KHDRBS2: variants seen among roughly 807,000 people sequenced by gnomAD.
The protein encoded by KHDRBS2 is KH domain-containing, RNA-binding, signal transduction-associated protein 2.
A neutral mutation model predicts 44.3 loss-of-function variants in KHDRBS2; 26 were observed. The observed-to-expected ratio is 0.59, with a 90% CI of 0.43 to 0.81. The LOEUF is 0.81. KHDRBS2 is among the 40% of genes least tolerant of loss of function. The pLI is 0.00. For missense variants in KHDRBS2, 476 were observed against 433.1 expected, an observed-to-expected ratio of 1.10 and a Z score of -0.88; for synonymous variants, 194 against 151.1, an observed-to-expected ratio of 1.28 and a Z score of -2.08.
chr6:62,187,933 C>T (rs1258973144), intron 1 of KHDRBS2, among the ~76,000 whole-genome samples: 3 of 151,916 alleles, frequency 2.0e-5, no homozygotes, highest in Non-Finnish European at 4.4e-5. Context: ...GAACATGGTG[C>T]CAGCATCTGC....
At chr6:61,927,401 G>C (rs544954953) in intron 4 of KHDRBS2, among the ~76,000 whole-genome samples, 1 of 152,158 alleles carries the variant, frequency 6.6e-6, no homozygotes, top group East Asian at 1.9e-4. Flanking sequence ...ATATAGTCAT[G>C]TCAATGTTAG....
intron 5 of KHDRBS2, among the ~76,000 whole-genome samples, chr6:61,899,866 CAT>C (rs1803638165): frequency 6.6e-6 from 1 of 151,426 alleles, no homozygotes; most frequent in Non-Finnish European, 1.5e-5. Flanking sequence ...GTTGCAATTT[CAT>C]ATGATTCAAC....
Position 61,882,625 on chromosome 6 carries a change from A to G in KHDRBS2, c.810+12010T>C, listed in dbSNP as rs187070867. On this transcript the variant is annotated intron_variant, in intron 6 of 8. Coordinates refer to ENST00000281156, the MANE Select transcript of KHDRBS2 (RefSeq NM_152688.4). ...TAGTCTTAACTCAAATCTTGAGATT[A>G]TTACAAGTTATTGCAAAGAACATCT... Among the ~76,000 whole-genome samples the G allele has an allele frequency of 1.5e-3, 230 of 152,158 alleles. 2 individuals carry two copies. The highest frequency in any genetic ancestry group is 2.2e-4 in the Non-Finnish European group (15 of 67,940).
chr6:61,806,171 A>G (rs924415166), intron 6 of KHDRBS2, among the ~76,000 whole-genome samples: 19 of 152,168 alleles, frequency 1.2e-4, no homozygotes, highest in African/African-American at 4.3e-4. Context: ...CTTAAATATG[A>G]TAAGGTCTGG....
chr6:62,265,977 G>C (rs1179307205), intron 1 of KHDRBS2, among the ~76,000 whole-genome samples: 1 of 152,006 alleles, frequency 6.6e-6, no homozygotes, highest in Non-Finnish European at 1.5e-5. Context: ...ATAAAGAACA[G>C]CATTATTCTA....
intron 4 of KHDRBS2, among the ~76,000 whole-genome samples, chr6:61,925,204 C>T (rs1466163951): frequency 6.6e-6 from 1 of 152,074 alleles, no homozygotes; most frequent in Admixed American, 6.6e-5. Flanking sequence ...AAGTTATGTA[C>T]TGTGTGCTGC....
the KHDRBS2 span, among the ~76,000 whole-genome samples, chr6:61,544,275 C>T: frequency 6.6e-6 from 1 of 151,954 alleles, no homozygotes; most frequent in Non-Finnish European, 1.5e-5. Flanking sequence ...TTTAAAAAAG[C>T]ATTATTCTTA....
intron 1 of KHDRBS2, among the ~76,000 whole-genome samples, chr6:62,239,690 A>G (rs1468714249): frequency 6.6e-6 from 1 of 152,010 alleles, no homozygotes; most frequent in Non-Finnish European, 1.5e-5. Flanking sequence ...TTATTTATTT[A>G]TTTATTTATT....
chr6:61,950,579 T>C (rs535202625), intron 4 of KHDRBS2, among the ~76,000 whole-genome samples: 1 of 152,146 alleles, frequency 6.6e-6, no homozygotes, highest in African/African-American at 2.4e-5. Flanking sequence ...TGTAATTCTC[T>C]TATCTTGATG....
chr6:61,750,949 C>T (rs369706447), intron 6 of KHDRBS2, among the ~76,000 whole-genome samples: 1 of 151,842 alleles, frequency 6.6e-6, no homozygotes, highest in South Asian at 2.1e-4. Context: ...ATCACGATTG[C>T]TATTATTATC....
chr6:61,969,351 A>T (rs1383990144), intron 4 of KHDRBS2, among the ~76,000 whole-genome samples: 1 of 152,090 alleles, frequency 6.6e-6, no homozygotes, highest in African/African-American at 2.4e-5. Context: ...ATAACAATTC[A>T]GTACACTCTC....
At chr6:61,884,674 A>AGTAACCTTTGTTACTGTTACACTAT (rs150534717) in intron 6 of KHDRBS2, among the ~76,000 whole-genome samples, 3,083 of 152,000 alleles carry the variant, frequency 0.02, 54 homozygotes, top group African/African-American at 0.048. Flanking sequence ...TGCACATAAC[A>AGTAACCTTTGTTACTGTTACACTAT]GTAACCTTTG....
At chr6:61,772,101 A>T (rs533291327) in intron 6 of KHDRBS2, among the ~76,000 whole-genome samples, 1 of 152,234 alleles carries the variant, frequency 6.6e-6, no homozygotes, top group Admixed American at 6.5e-5. Flanking sequence ...GAAGGCAGAC[A>T]TAAAGATGTT....
At chr6:62,061,313 G>T (rs1376373698) in intron 2 of KHDRBS2, among the ~76,000 whole-genome samples, 4 of 151,574 alleles carry the variant, frequency 2.6e-5, no homozygotes, top group African/African-American at 4.8e-5. Context: ...GGCTGGTACC[G>T]GTTGTTCCTT....
intron 4 of KHDRBS2, among the ~76,000 whole-genome samples, chr6:61,955,102 A>ATC (rs1164969674): frequency 1.6e-5 from 2 of 121,928 alleles, no homozygotes; most frequent in Non-Finnish European, 3.7e-5. Context: ...ATATATGTAT[A>ATC]TATACACATA....
At chr6:61,768,159 G>T (rs1036149186) in intron 6 of KHDRBS2, among the ~76,000 whole-genome samples, 9 of 152,082 alleles carry the variant, frequency 5.9e-5, no homozygotes, top group African/African-American at 2.2e-4. Flanking sequence ...AATATGTCAT[G>T]CTACTTTCTC....
the KHDRBS2 span, among the ~76,000 whole-genome samples, chr6:61,653,329 A>G: frequency 6.6e-6 from 1 of 152,134 alleles, no homozygotes; most frequent in African/African-American, 2.4e-5. Flanking sequence ...TGGACAGGGT[A>G]TAAACACTAG....
At chr6:61,679,300 T>A (rs1414094158), downstream of KHDRBS2, among the ~76,000 whole-genome samples, 1 of 151,974 alleles carries the variant, frequency 6.6e-6, no homozygotes, top group Non-Finnish European at 1.5e-5. Flanking sequence ...TAATTTTAGT[T>A]CTGTTTATTG....
At chr6:61,879,893 T>C (rs1384689443) in intron 6 of KHDRBS2, among the ~76,000 whole-genome samples, 1 of 151,854 alleles carries the variant, frequency 6.6e-6, no homozygotes, top group Non-Finnish European at 1.5e-5. Context: ...TTTATATATG[T>C]GAAAATTTGA....
Sources: gnomAD v4.1 joint callset for allele counts (sites outside exome capture counted in the v4.1 genomes callset) on GRCh38, gnomAD v4.1.1 for gene constraint, MANE v1.5 for transcripts, NCBI Gene and HGNC (gene_info 2026-07-23, HGNC 2026-07-21) for gene names.